Variants in LIPE observed in about 807,000 individuals in gnomAD.
LIPE encodes hormone-sensitive lipase.
Under a neutral mutation model 88.5 loss-of-function variants are expected in LIPE, and 66 were observed. The ratio of observed to expected loss-of-function variants is 0.75; its 90% CI spans 0.61 to 0.91. LIPE has a LOEUF of 0.91. Among genes scored for constraint, LIPE ranks in the 40% least tolerant of loss-of-function variants. The pLI is 0.00. For missense variants in LIPE, 1,346 were observed against 1,434.7 expected (o/e 0.94, Z 1.00); for synonymous variants, 570 against 617.5 (o/e 0.92, Z 1.14).
chr19:42,409,706 G>C (rs1174442641), intron 2 of LIPE, among the ~76,000 whole-genome samples: 1 of 152,264 alleles, frequency 6.6e-6, no homozygotes. Flanking sequence ...GCTGGTTTGG[G>C]CAGCCCCGGG....
At chr19:42,423,678 A>T in intron 1 of LIPE, 1 of 1,144,970 alleles carries the variant, frequency 8.7e-7, no homozygotes, top group South Asian at 1.7e-5. Context: ...CTCCCTAACC[A>T]ATTCTGGTCT....
At chr19:42,404,157 C>G (rs1241564481) in intron 8 of LIPE, among the ~76,000 whole-genome samples, 1 of 151,224 alleles carries the variant, frequency 6.6e-6, no homozygotes, top group Non-Finnish European at 1.5e-5. Flanking sequence ...CTCTGCCTCC[C>G]GGGTTCAAGC....
intron 1 of LIPE, among the ~76,000 whole-genome samples, chr19:42,415,394 C>T (rs2040466055): frequency 6.6e-6 from 1 of 152,270 alleles, no homozygotes; most frequent in Admixed American, 6.5e-5. Context: ...AAGGCATGTC[C>T]AGTGCTGAAA....
At position 42,408,087 on chromosome 19, in the gene LIPE, G is replaced by A. The variant is rs1600117524; in HGVS notation, c.1545C>T (p.Arg515=). 1.2e-6 allele frequency: 2 copies of A among 1,613,898 alleles called. No individual in the cohort carries two copies. The highest frequency in any genetic ancestry group is 1.7e-6 in the Non-Finnish European group (2 of 1,179,920). Residue 515 remains arginine (R), a synonymous_variant, in exon 4 of 10, where the codon CGC becomes CGT. Coordinates refer to ENST00000244289, the MANE Select transcript of LIPE (RefSeq NM_005357.4). This position sits in a 1 kb window ranked among gnomAD's most constrained non-coding sequence, Gnocchi z 4.3. ...CACGCAGCTCGGGGTCGATGGCAAA[G>A]CGGCCGCTGGTGAAGAGAGAGCTGG... ...VAASSLFTSG[R]FAIDPELRGA...
rs751039496 is a variant in LIPE at position 42,401,825 on chromosome 19, C to T, written c.3218G>A (p.Gly1073Glu). The T allele has an allele frequency of 6.7e-6, 10 of 1,487,368 alleles. No homozygotes were observed. The highest frequency in any genetic ancestry group is 8.0e-6 in the Non-Finnish European group (9 of 1,121,324). 92.1% of individuals were successfully genotyped at this position (1,487,368 alleles called of 1,614,324 possible). A position where few individuals can be genotyped will look rare whatever the true frequency, so the allele number is the denominator to read the frequency against. The change falls in exon 10 of 10, where the codon GGG becomes GAG. Residue 1073 changes from glycine to glutamate, a missense_variant. Transcript: ENST00000244289. ...TGAAGVDGGC[G>E]GRH is the part of the protein sequence containing the mutation. Reference sequence around the variant, plus strand: ...AACAACAGGCTTTTAGTGTCGCCCCCCGCAGCCCCCGTCTACCCCCGCAGC... The same window carrying T: ...AACAACAGGCTTTTAGTGTCGCCCCTCGCAGCCCCCGTCTACCCCCGCAGC...
rs771098552 is a variant in LIPE at position 42,407,215 on chromosome 19, A to C, written c.2096T>G (p.Phe699Cys). Residue 699 changes from phenylalanine to cysteine, a missense_variant, in exon 6 of 10, where the codon TTC becomes TGC. By Grantham distance (205) the Phe-to-Cys change is radical. Coordinates refer to ENST00000244289, the MANE Select transcript of LIPE (RefSeq NM_005357.4). The surrounding 1 kb of genome is among the most constrained non-coding windows in gnomAD (Gnocchi z 5.8). ...CTTGATGGCCCAGCAGTAGGCGAAGAAGCACTCCTCCAGCGCACGGGGGAA... is the reference window on the plus strand; with the variant it reads ...CTTGATGGCCCAGCAGTAGGCGAAGCAGCACTCCTCCAGCGCACGGGGGAA... ...APFPRALEEC[F>C]FAYCWAIKHC... The C allele has an allele frequency of 3.9e-6, 6 of 1,554,918 alleles. No individual in the cohort carries two copies. Among genetic ancestry groups the C allele is most frequent in the South Asian group, 1.2e-5 (1 of 84,906 alleles).
rs925414899 is a variant in LIPE, at chr19:42,423,500, C to T, written c.883+2767G>A. 1.2e-5 allele frequency: 15 copies of T among 1,278,458 alleles called. No individual in the cohort carries two copies. The Admixed American group carries it at 1.5e-4, about 13-fold the overall frequency. 79.2% of individuals were successfully genotyped at this position (1,278,458 alleles called of 1,614,324 possible). On this transcript the variant is annotated intron_variant, in intron 1 of 9. Transcript: ENST00000244289. Reference sequence around the variant, plus strand: ...GCATTCTTCGAGGCCGGGGCCATAGCGGCCTCGGCGGGCTCCGTTCCCCCG... The same window carrying T: ...GCATTCTTCGAGGCCGGGGCCATAGTGGCCTCGGCGGGCTCCGTTCCCCCG...
At chr19:42,417,645 G>C (rs925237401) in intron 1 of LIPE, among the ~76,000 whole-genome samples, 1 of 152,004 alleles carries the variant, frequency 6.6e-6, no homozygotes, top group Admixed American at 6.6e-5. Flanking sequence ...TCAGCCTCTT[G>C]AATAGCTGGG....
At chr19:42,411,139 A>C (rs2040364879) in intron 1 of LIPE, 1 of 222,156 alleles carries the variant, frequency 4.5e-6, no homozygotes, top group Non-Finnish European at 7.5e-6. Flanking sequence ...CCAAGCCCCA[A>C]GCCCTTCCTC....
In LIPE at chr19:42,410,688, C is replaced by T; in HGVS notation, c.1038G>A (p.Leu346=). ...GVFAGVREQA[L]GLEPALGRLL... is the part of the protein sequence containing the mutation. ...GGCGGCCCAGGGCCGGCTCCAGCCC[C>T]AGCGCCTGCTCCCGTACACCGGCAA... Residue 346 remains leucine, a synonymous_variant, in exon 2 of 10, where the codon CTG becomes CTA. Transcript: ENST00000244289. The surrounding 1 kb of genome is among the most constrained non-coding windows in gnomAD (Gnocchi z 6.1). The T allele has an allele frequency of 1.2e-5, 20 of 1,612,954 alleles. No individual in the cohort carries two copies. Among genetic ancestry groups the T allele is most frequent in the Non-Finnish European group, 1.6e-5 (19 of 1,179,260 alleles).
chr19:42,416,403 G>A (rs35241185), intron 1 of LIPE, among the ~76,000 whole-genome samples: 1,709 of 152,276 alleles, frequency 0.011, 27 homozygotes, highest in African/African-American at 0.039. Flanking sequence ...AGCAAGTTAT[G>A]CAGAAGATCT....
At position 42,402,924 on chromosome 19, in the gene LIPE, TTCCCCTCAGGCTCAA is replaced by T. The variant is rs765315452; in HGVS notation, c.2635_2649del (p.Leu879_Gly883del). The T allele has an allele frequency of 7.4e-6, 12 of 1,611,696 alleles. No individual in the cohort carries two copies. The East Asian group carries it at 2.7e-4, about 36-fold the overall frequency. ...GGGGTGTCCGACGACGTCTCGGAGT[TTCCCCTCAGGCTCAA>T]GTCCCTCAGGGTCAGGTTCTTGAGG... On this transcript the variant is annotated inframe_deletion, in exon 9 of 10. Coordinates refer to ENST00000244289, the MANE Select transcript of LIPE (RefSeq NM_005357.4).
At chr19:42,403,480 C>CTCTG (rs1233040007) in intron 8 of LIPE, among the ~76,000 whole-genome samples, 1 of 150,532 alleles carries the variant, frequency 6.6e-6, no homozygotes, top group Middle Eastern at 3.2e-3. Flanking sequence ...CAAAGTCTCG[C>CTCTG]TCTGTCACCC....
In LIPE at chr19:42,410,385, C is replaced by G; in HGVS notation, c.1341G>C (p.Glu447Asp). 6.2e-7 allele frequency: 1 copy of G among 1,614,116 alleles called. No homozygotes were observed. The highest frequency in any genetic ancestry group is 8.5e-7 in the Non-Finnish European group (1 of 1,179,974). ...CCCGGAGGAAGTCGGCGGTGAGCCC[C>G]TCGTCGCCCTCAAAGAAGAGTACCC... ...RPGVLFFEGD[E>D]GLTADFLREY... is the part of the protein sequence containing the mutation. Residue 447 changes from glutamate (E) to aspartate (D), a missense_variant, in exon 2 of 10, where the codon GAG becomes GAC. Coordinates refer to ENST00000244289, the MANE Select transcript of LIPE (RefSeq NM_005357.4). This position sits in a 1 kb window ranked among gnomAD's most constrained non-coding sequence, Gnocchi z 6.1.
Position 42,427,289 on chromosome 19 carries a change from T to C in LIPE, c.-140A>G. The C allele has an allele frequency of 2.8e-6, 4 of 1,410,048 alleles. No individual in the cohort carries two copies. Among genetic ancestry groups the C allele is most frequent in the Non-Finnish European group, 2.8e-6 (3 of 1,085,724 alleles). The allele number at this position is 1,410,048 out of a possible 1,614,324, so 87.3% of individuals were successfully genotyped here. On this transcript the variant is annotated 5_prime_UTR_variant, in exon 1 of 10. Transcript: ENST00000244289. ...GGGTTTCACTCCATCCTAGCATCAC[T>C]GGTCTTCCTTTTTAAGGCAGCTGGC...
Position 42,408,539 on chromosome 19 carries a change from C to T in LIPE, c.1420-217G>A. On this transcript the variant is annotated intron_variant, in intron 2 of 9. Coordinates refer to ENST00000244289, the MANE Select transcript of LIPE (RefSeq NM_005357.4). The surrounding 1 kb of genome is among the most constrained non-coding windows in gnomAD (Gnocchi z 4.3). Reference sequence around the variant, plus strand: ...AGATAAGCAAAGCCACGCGCAGTATCATGACAAGGAATGACGAATGGTTTG... The same window carrying T: ...AGATAAGCAAAGCCACGCGCAGTATTATGACAAGGAATGACGAATGGTTTG... 1 of 545,658 alleles carries T rather than the reference C, an allele frequency of 1.8e-6. No homozygotes were observed. The highest frequency in any genetic ancestry group is 3.3e-6 in the Non-Finnish European group (1 of 303,598). The allele number at this position is 545,658 out of a possible 1,614,324, so 33.8% of individuals were successfully genotyped here.
At chr19:42,417,673 C>T (rs1197948327) in intron 1 of LIPE, among the ~76,000 whole-genome samples, 3 of 152,090 alleles carry the variant, frequency 2.0e-5, no homozygotes, top group Non-Finnish European at 4.4e-5. Context: ...GCATGTGCCA[C>T]CATGCCCAGC....
chr19:42,413,532 G>A (rs940709361), intron 1 of LIPE, among the ~76,000 whole-genome samples: 1 of 152,220 alleles, frequency 6.6e-6, no homozygotes, highest in Non-Finnish European at 1.5e-5. Flanking sequence ...CGGGCATGGT[G>A]GTGGGCACCT....
chr19:42,426,339 T>C lies in LIPE; in HGVS notation c.811A>G (p.Met271Val). ...GFKGKSGYKV[M>V]SGYSGTSPHE... ...GGCGACGTCCCACTGTATCCTGACA[T>C]CACTTTATAACCAGATTTTCCTTTG... Residue 271 changes from methionine to valine, a missense_variant, in exon 1 of 10, where the codon ATG becomes GTG. Physicochemically the swap from Met to Val is conservative, Grantham distance 21. Transcript: ENST00000244289. 1 of 1,613,404 alleles carries C rather than the reference T, an allele frequency of 6.2e-7. No individual in the cohort carries two copies. The highest frequency in any genetic ancestry group is 8.5e-7 in the Non-Finnish European group (1 of 1,179,434).
Sources: allele counts gnomAD v4.1 joint callset (sites outside exome capture counted in the v4.1 genomes callset), GRCh38; gene constraint gnomAD v4.1.1; non-coding constraint Gnocchi (gnomAD v3.1); transcripts MANE v1.5; gene names NCBI Gene and HGNC (gene_info 2026-07-23, HGNC 2026-07-21).